The following CRADD variants were observed in gnomAD, a reference collection of about 807,000 sequenced individuals.
CRADD encodes death domain-containing protein CRADD.
CRADD carries 9 observed loss-of-function variants against 15.5 expected under a neutral mutation model. The observed-to-expected ratio is 0.58, with a 90% confidence interval of 0.35 to 1.01. CRADD has a LOEUF of 1.01. Ranked by LOEUF, CRADD falls within the 50% of genes least tolerant of loss-of-function variation. CRADD has a pLI of 0.02. For synonymous variants in CRADD, 118 were observed against 107.6 expected (o/e 1.10, Z -0.60); for missense variants, 227 against 250.3 (o/e 0.91, Z 0.63).
At chr12:93,833,423 C>T (rs768153647) in intron 2 of CRADD, among the ~76,000 whole-genome samples, 2 of 152,174 alleles carry the variant, frequency 1.3e-5, no homozygotes, top group Non-Finnish European at 2.9e-5. Context: ...ACTGCAGCCT[C>T]CACCTCTCAG....
chr12:93,794,574 C>A lies in CRADD; in HGVS notation c.299-55396C>A, dbSNP rs546809684. Among the ~76,000 whole-genome samples, 72 of 152,296 alleles carry A rather than the reference C, an allele frequency of 4.7e-4. 1 individual carries two copies. The highest frequency in any genetic ancestry group is 3.5e-3 in the South Asian group (17 of 4,826). On this transcript the variant is annotated intron_variant, in intron 2 of 2. Transcript: ENST00000332896. ...GAATTCATCTACTTTCCTCTCCTCT[C>A]CTGCTACCATCCCAGTCCGAACCTC... is the stretch of plus-strand genomic sequence containing the variant.
At chr12:93,871,113 C>T (rs900984539) in intron 2 of CRADD, among the ~76,000 whole-genome samples, 1 of 152,162 alleles carries the variant, frequency 6.6e-6, no homozygotes, top group African/African-American at 2.4e-5. Context: ...AGTATTCTTG[C>T]TTGGCACATA....
chr12:93,782,703 A>T (rs955988487), intron 2 of CRADD, among the ~76,000 whole-genome samples: 2 of 151,534 alleles, frequency 1.3e-5, no homozygotes, highest in Non-Finnish European at 2.9e-5. Context: ...CTTTTTTTTT[A>T]AACAGGCAAA....
chr12:93,681,072 T>TG (rs1461222914), intron 2 of CRADD, among the ~76,000 whole-genome samples: 1 of 152,034 alleles, frequency 6.6e-6, no homozygotes, highest in Non-Finnish European at 1.5e-5. Context: ...TTAGTAGAGA[T>TG]GGGGTTTCTC....
chr12:93,857,819 T>C (rs530892424), intron 2 of CRADD, among the ~76,000 whole-genome samples: 8 of 152,236 alleles, frequency 5.3e-5, no homozygotes, highest in Admixed American at 2.0e-4. Flanking sequence ...TGCCTCCACA[T>C]CATCTCTTTA....
At chr12:93,820,132 A>G (rs540156111) in intron 2 of CRADD, among the ~76,000 whole-genome samples, 2 of 152,136 alleles carry the variant, frequency 1.3e-5, no homozygotes, top group Non-Finnish European at 2.9e-5. Flanking sequence ...TCACAAACAG[A>G]TGTCCATTCT....
intron 2 of CRADD, among the ~76,000 whole-genome samples, chr12:93,883,055 CAGCATAATTA>C (rs1454919720): frequency 4.6e-5 from 7 of 152,188 alleles, no homozygotes; most frequent in African/African-American, 1.7e-4. Context: ...CCAAAATATT[CAGCATAATTA>C]AGCATAATTT....
In CRADD at chr12:93,812,789, T is replaced by G. The variant is rs572278578; in HGVS notation, c.299-37181T>G. Among the ~76,000 whole-genome samples the G allele has an allele frequency of 1.4e-4, 22 of 152,356 alleles. No homozygotes were observed. In the South Asian group the frequency reaches 4.1e-3, roughly 29 times the overall value. ...GCAAACTCTGGCTCAGGCATGAGAT[T>G]TATTTTTCTCACCATGATTTACAAC... On this transcript the variant is annotated intron_variant, in intron 2 of 2. Coordinates refer to ENST00000332896, the MANE Select transcript of CRADD (RefSeq NM_003805.5).
At chr12:93,766,514 G>A (rs1957028535) in intron 2 of CRADD, among the ~76,000 whole-genome samples, 1 of 152,172 alleles carries the variant, frequency 6.6e-6, no homozygotes, top group African/African-American at 2.4e-5. Flanking sequence ...TATCTGATTT[G>A]AACTTTTCAA....
At chr12:93,699,660 G>A (rs1445839090) in intron 2 of CRADD, among the ~76,000 whole-genome samples, 6 of 152,082 alleles carry the variant, frequency 3.9e-5, no homozygotes, top group Admixed American at 1.3e-4. Context: ...GTAATGCTAC[G>A]CCAGGGTATG....
At chr12:93,721,592 T>C (rs544017225) in intron 2 of CRADD, among the ~76,000 whole-genome samples, 1 of 152,352 alleles carries the variant, frequency 6.6e-6, no homozygotes, top group African/African-American at 2.4e-5. Context: ...TGTTTTTCTC[T>C]TGTCATTATT....
At chr12:93,769,758 A>C (rs1957063021) in intron 2 of CRADD, among the ~76,000 whole-genome samples, 1 of 152,110 alleles carries the variant, frequency 6.6e-6, no homozygotes. Flanking sequence ...ACATTTTCAT[A>C]TGTTTATTGA....
At chr12:93,863,321 C>T (rs773731153) in intron 2 of CRADD, among the ~76,000 whole-genome samples, 2 of 152,094 alleles carry the variant, frequency 1.3e-5, no homozygotes, top group Admixed American at 1.3e-4. Flanking sequence ...GGTCTGTCCC[C>T]ACGCTTGCCA....
chr12:93,763,950 T>C (rs543932449), intron 2 of CRADD, among the ~76,000 whole-genome samples: 20 of 152,288 alleles, frequency 1.3e-4, no homozygotes, highest in African/African-American at 4.6e-4. Flanking sequence ...CCGATTTCTT[T>C]TGGTTGTTCT....
chr12:93,852,595 T>G (rs1413645430), downstream of CRADD, among the ~76,000 whole-genome samples: 1 of 152,236 alleles, frequency 6.6e-6, no homozygotes, highest in African/African-American at 2.4e-5. Context: ...AATCCCTATC[T>G]TGGTACTACC....
At chr12:93,838,562 CTCTTTT>C (rs751866956) in intron 2 of CRADD, among the ~76,000 whole-genome samples, 1 of 139,902 alleles carries the variant, frequency 7.1e-6, no homozygotes, top group Admixed American at 7.0e-5. Context: ...CTCTTTCTCT[CTCTTTT>C]TTTTTTTTTT....
rs529909466 is a variant in CRADD at position 93,699,206 on chromosome 12, A to G, written c.298+20134A>G. ...GTCAAAACTGGGGAGGCCTTTCTTCAGGGTAAACTTTTCCTATGAATATAT... is the reference window on the plus strand; with the variant it reads ...GTCAAAACTGGGGAGGCCTTTCTTCGGGGTAAACTTTTCCTATGAATATAT... On this transcript the variant is annotated intron_variant, in intron 2 of 2. Coordinates refer to ENST00000332896, the MANE Select transcript of CRADD (RefSeq NM_003805.5). 5.6e-4 allele frequency among the ~76,000 whole-genome samples: 85 copies of G among 152,332 alleles called. No homozygotes were observed. In the South Asian group the frequency reaches 0.018, roughly 32 times the overall value.
chr12:93,817,832 G>C (rs964544076), intron 2 of CRADD, among the ~76,000 whole-genome samples: 1 of 152,140 alleles, frequency 6.6e-6, no homozygotes, highest in Non-Finnish European at 1.5e-5. Context: ...CAGGGATCCT[G>C]TTGGCCTGCC....
At chr12:93,816,341 C>G (rs150746180) in intron 2 of CRADD, among the ~76,000 whole-genome samples, 7,331 of 151,420 alleles carry the variant, frequency 0.048, 232 homozygotes, top group East Asian at 0.14. Flanking sequence ...CTCAGCCTCC[C>G]AAGTAGCTGG....
Sources: allele counts gnomAD v4.1 joint callset (sites outside exome capture counted in the v4.1 genomes callset), GRCh38; gene constraint gnomAD v4.1.1; transcripts MANE v1.5; gene names NCBI Gene and HGNC (gene_info 2026-07-23, HGNC 2026-07-21).